The following THSD7B variants were observed in gnomAD, a reference collection of about 807,000 sequenced individuals.
THSD7B encodes the protein thrombospondin type 1 domain containing 7B.
THSD7B carries 138 observed loss-of-function variants against 213.6 expected under a neutral mutation model. That is an observed-to-expected ratio of 0.65 (90% CI 0.56 to 0.74). The LOEUF is 0.74. Among genes scored for constraint, THSD7B ranks in the 30% least tolerant of loss-of-function variants. The pLI, the probability that THSD7B is intolerant of heterozygous loss-of-function variation, is 0.00. For synonymous variants in THSD7B, 742 were observed against 687.0 expected, an observed-to-expected ratio of 1.08 and a Z score of -1.25; for missense variants, 1,931 against 1,991.5, an observed-to-expected ratio of 0.97 and a Z score of 0.58.
At position 136,962,682 on chromosome 2, in the gene THSD7B, A is replaced by C. The variant is rs147173546; in HGVS notation, c.139+80365A>C. On this transcript the variant is annotated intron_variant, in intron 2 of 27. Coordinates refer to ENST00000409968, the MANE Select transcript of THSD7B (RefSeq NM_001316349.2). Reference sequence around the variant, plus strand: ...AGCCTGGCCTTGAGAAACTACTCCTAGGCTTTAGTTTAGAAAGAAGTACAC... The same window carrying C: ...AGCCTGGCCTTGAGAAACTACTCCTCGGCTTTAGTTTAGAAAGAAGTACAC... Among the ~76,000 whole-genome samples, 125 of 152,266 alleles carry C rather than the reference A, an allele frequency of 8.2e-4. 2 individuals carry two copies. In the East Asian group the frequency reaches 0.023, roughly 28 times the overall value.
intron 5 of THSD7B, among the ~76,000 whole-genome samples, chr2:137,137,460 C>A (rs1285172035): frequency 6.6e-6 from 1 of 152,156 alleles, no homozygotes; most frequent in Non-Finnish European, 1.5e-5. Context: ...TTTAAGATTA[C>A]ATTTTTTACT....
intron 12 of THSD7B, among the ~76,000 whole-genome samples, chr2:137,403,931 A>T (rs1366241575): frequency 6.6e-6 from 1 of 152,192 alleles, no homozygotes; most frequent in Non-Finnish European, 1.5e-5. Context: ...CCCACAAAAA[A>T]AACTGTCCAA....
intron 2 of THSD7B, among the ~76,000 whole-genome samples, chr2:136,924,677 C>T (rs1684492757): frequency 6.6e-6 from 1 of 151,998 alleles, no homozygotes; most frequent in African/African-American, 2.4e-5. Flanking sequence ...TGAAATTCTA[C>T]ATGAATTTTA....
chr2:137,610,978 A>T lies in THSD7B; in HGVS notation c.3424-5197A>T, dbSNP rs181466206. Among the ~76,000 whole-genome samples, 1,213 of 149,474 alleles carry T rather than the reference A, an allele frequency of 8.1e-3. 16 individuals are homozygous for T. The highest frequency in any genetic ancestry group is 0.039 in the South Asian group (185 of 4,800). ...GTACATGTGCACTACATGTACCCTAAAACTTAAAGTATAATAATAATAATA... is the reference window on the plus strand; with the variant it reads ...GTACATGTGCACTACATGTACCCTATAACTTAAAGTATAATAATAATAATA... On this transcript the variant is annotated intron_variant, in intron 17 of 27. Coordinates refer to ENST00000409968, the MANE Select transcript of THSD7B (RefSeq NM_001316349.2).
chr2:136,910,523 CTT>C (rs1186409626), intron 2 of THSD7B, among the ~76,000 whole-genome samples: 1 of 152,110 alleles, frequency 6.6e-6, no homozygotes, highest in Non-Finnish European at 1.5e-5. Flanking sequence ...GGATTATTGA[CTT>C]TGTACAGATA....
At chr2:137,364,828 T>A (rs896929582) in intron 12 of THSD7B, among the ~76,000 whole-genome samples, 1 of 152,182 alleles carries the variant, frequency 6.6e-6, no homozygotes, top group South Asian at 2.1e-4. Context: ...AGGTAATTTA[T>A]AGATTCAATG....
chr2:137,362,271 G>A, intron 12 of THSD7B, among the ~76,000 whole-genome samples: 1 of 152,182 alleles, frequency 6.6e-6, no homozygotes, highest in Non-Finnish European at 1.5e-5. Flanking sequence ...ACCAGCCACT[G>A]CAAAAACATG....
intron 5 of THSD7B, among the ~76,000 whole-genome samples, chr2:137,119,974 A>G (rs550395141): frequency 6.6e-6 from 1 of 152,292 alleles, no homozygotes; most frequent in South Asian, 2.1e-4. Context: ...TTTAAAGTCA[A>G]TAAAGTCATT....
At chr2:137,233,367 A>G (rs1681687872) in intron 9 of THSD7B, among the ~76,000 whole-genome samples, 1 of 152,230 alleles carries the variant, frequency 6.6e-6, no homozygotes, top group African/African-American at 2.4e-5. Flanking sequence ...TTCTTGGATA[A>G]AAATGAATAG....
chr2:136,978,307 A>G (rs1287827235), intron 2 of THSD7B, among the ~76,000 whole-genome samples: 1 of 152,118 alleles, frequency 6.6e-6, no homozygotes, highest in Non-Finnish European at 1.5e-5. Context: ...TATCAGTTCC[A>G]TTTAATCCAG....
Position 136,935,752 on chromosome 2 carries a change from G to T in THSD7B, c.139+53435G>T, listed in dbSNP as rs1684714763. Among the ~76,000 whole-genome samples, 7 of 151,988 alleles carry T rather than the reference G, an allele frequency of 4.6e-5. No homozygotes were observed. The South Asian group carries it at 1.5e-3, about 31-fold the overall frequency. ...TCTGTCATACTCTGGGGATTGGTAA[G>T]AACCTGGAGAAAGAGAAGAAAAGAG... On this transcript the variant is annotated intron_variant, in intron 2 of 27. Transcript: ENST00000409968.
chr2:137,317,265 A>G (rs149942665), intron 12 of THSD7B, among the ~76,000 whole-genome samples: 181 of 152,346 alleles, frequency 1.2e-3, no homozygotes, highest in African/African-American at 3.8e-3. Context: ...CCTTTATGAT[A>G]CAAACATCAA....
intron 12 of THSD7B, among the ~76,000 whole-genome samples, chr2:137,301,211 G>A (rs1197791674): frequency 6.6e-6 from 1 of 152,036 alleles, no homozygotes; most frequent in Non-Finnish European, 1.5e-5. Context: ...CTTTTGAACT[G>A]CTGCTCCTGA....
intron 24 of THSD7B, among the ~76,000 whole-genome samples, chr2:137,657,461 C>T (rs1683259071): frequency 6.6e-6 from 1 of 152,048 alleles, no homozygotes; most frequent in South Asian, 2.1e-4. Flanking sequence ...TAAATCATGT[C>T]CCTTCTCAAT....
At chr2:136,885,324 G>C (rs1016431686) in intron 2 of THSD7B, among the ~76,000 whole-genome samples, 2 of 151,672 alleles carry the variant, frequency 1.3e-5, no homozygotes, top group African/African-American at 4.9e-5. Flanking sequence ...GTGAGTCCTG[G>C]CTTTGGAAAA....
intron 2 of THSD7B, among the ~76,000 whole-genome samples, chr2:136,951,841 GT>G (rs61038980): frequency 0.082 from 12,511 of 152,008 alleles, 882 homozygotes; most frequent in African/African-American, 0.19. Context: ...AAGGCATCAA[GT>G]TTTTTTAAAA....
At chr2:137,110,342 A>G (rs1688325895) in intron 4 of THSD7B, among the ~76,000 whole-genome samples, 1 of 152,158 alleles carries the variant, frequency 6.6e-6, no homozygotes, top group Admixed American at 6.5e-5. Context: ...TACTGTTTGG[A>G]CAGGCCTATT....
chr2:137,572,032 T>C (rs537963812), intron 16 of THSD7B, among the ~76,000 whole-genome samples: 1 of 152,320 alleles, frequency 6.6e-6, no homozygotes, highest in African/African-American at 2.4e-5. Flanking sequence ...GATGGATTTA[T>C]TCAGAGAAGG....
intron 10 of THSD7B, among the ~76,000 whole-genome samples, chr2:137,266,002 C>T (rs1682580820): frequency 1.3e-5 from 2 of 152,148 alleles, no homozygotes; most frequent in Admixed American, 1.3e-4. Flanking sequence ...GGTTTTAAGC[C>T]ATTCATTGTC....
Sources: gnomAD v4.1 joint callset for allele counts (sites outside exome capture counted in the v4.1 genomes callset) on GRCh38, gnomAD v4.1.1 for gene constraint, MANE v1.5 for transcripts, NCBI Gene and HGNC (gene_info 2026-07-23, HGNC 2026-07-21) for gene names.